The following CHST11 variants were observed in gnomAD, a reference collection of about 807,000 sequenced individuals.
CHST11 encodes the protein carbohydrate sulfotransferase 11.
CHST11 carries 9 observed loss-of-function variants against 30.4 expected under a neutral mutation model. The observed-to-expected ratio is 0.30, with a 90% CI of 0.18 to 0.52. The LOEUF is 0.52. CHST11 is among the 20% of genes least tolerant of loss of function. The pLI is 0.97. For missense variants in CHST11, 348 were observed against 460.6 expected, an observed-to-expected ratio of 0.76 and a Z score of 2.24; for synonymous variants, 152 against 187.8, an observed-to-expected ratio of 0.81 and a Z score of 1.56.
chr12:104,594,118 T>C (rs1288084424), intron 1 of CHST11, among the ~76,000 whole-genome samples: 5 of 152,218 alleles, frequency 3.3e-5, no homozygotes, highest in Admixed American at 3.3e-4. Context: ...GTACCTGCTA[T>C]GCACGGAGCA....
At chr12:104,626,140 G>A (rs1024952285) in intron 2 of CHST11, among the ~76,000 whole-genome samples, 1 of 152,134 alleles carries the variant, frequency 6.6e-6, no homozygotes, top group Non-Finnish European at 1.5e-5. Flanking sequence ...AAAGACACAG[G>A]CTCTTTATTA....
At chr12:104,460,924 G>C (rs2037402173) in intron 1 of CHST11, among the ~76,000 whole-genome samples, 1 of 152,164 alleles carries the variant, frequency 6.6e-6, no homozygotes, top group Admixed American at 6.5e-5. Context: ...CCAGGTTTTA[G>C]ACTCCATTTT....
intron 1 of CHST11, among the ~76,000 whole-genome samples, chr12:104,520,701 TGTGGCTG>T (rs1329117688): frequency 1.3e-5 from 2 of 152,174 alleles, no homozygotes; most frequent in Admixed American, 1.3e-4. Flanking sequence ...TGAAGTGTTC[TGTGGCTG>T]GAGGCTAAAT....
chr12:104,514,320 G>A (rs2037998644), intron 1 of CHST11: 2 of 950,546 alleles, frequency 2.1e-6, no homozygotes, highest in African/African-American at 1.6e-5. Flanking sequence ...CATTGGCTGT[G>A]CCAGAAACCT....
At chr12:104,468,514 T>C (rs1305846652) in intron 1 of CHST11, among the ~76,000 whole-genome samples, 1 of 152,128 alleles carries the variant, frequency 6.6e-6, no homozygotes, top group Non-Finnish European at 1.5e-5. Flanking sequence ...CTGGGAGGGC[T>C]CTCATTTGGG....
rs547407266 is a variant in CHST11, at chr12:104,583,947, A to G, written c.119-17959A>G. 8.5e-5 allele frequency among the ~76,000 whole-genome samples: 13 copies of G among 152,290 alleles called. No individual in the cohort carries two copies. In the South Asian group the frequency reaches 2.7e-3, roughly 32 times the overall value. ...GGGCTGGTCCCAAACTCCCGACCTC[A>G]AGTGATCCGCCCTCCTCGGCCTCCC... On this transcript the variant is annotated intron_variant, in intron 1 of 2. Coordinates refer to ENST00000303694, the MANE Select transcript of CHST11 (RefSeq NM_018413.6).
chr12:104,520,246 A>G (rs1280979192), intron 1 of CHST11, among the ~76,000 whole-genome samples: 5 of 152,182 alleles, frequency 3.3e-5, no homozygotes, highest in Non-Finnish European at 5.9e-5. Context: ...CAATGGGCCC[A>G]ATGGCACCTG....
At chr12:104,628,441 T>C (rs1039097198) in intron 2 of CHST11, among the ~76,000 whole-genome samples, 3 of 152,190 alleles carry the variant, frequency 2.0e-5, no homozygotes, top group African/African-American at 2.4e-5. Context: ...TATCAAGACT[T>C]GTTGAGCTTG....
Position 104,571,406 on chromosome 12 carries a change from G to T in CHST11, c.119-30500G>T, listed in dbSNP as rs540445218. Among the ~76,000 whole-genome samples the T allele has an allele frequency of 3.3e-5, 5 of 151,876 alleles. No homozygotes were observed. The East Asian group carries it at 9.8e-4, about 30-fold the overall frequency. ...TTGATCTCCTGACCTCAGGTGATCC[G>T]CCCGCTTCGGCCTCCCAAAGTGCTG... On this transcript the variant is annotated intron_variant, in intron 1 of 2. Transcript: ENST00000303694.
intron 2 of CHST11, among the ~76,000 whole-genome samples, chr12:104,636,327 G>A: frequency 6.6e-6 from 1 of 152,200 alleles, no homozygotes; most frequent in East Asian, 1.9e-4. Context: ...GTGCTTTACA[G>A]GGAAGGACAG....
chr12:104,648,774 A>G (rs1279242819), intron 2 of CHST11, among the ~76,000 whole-genome samples: 3 of 152,108 alleles, frequency 2.0e-5, no homozygotes, highest in Non-Finnish European at 4.4e-5. Flanking sequence ...AGATCACACC[A>G]CTGCATTCCA....
chr12:104,513,380 C>G (rs12425961), intron 1 of CHST11, among the ~76,000 whole-genome samples: 7,766 of 152,168 alleles, frequency 0.051, 254 homozygotes, highest in Admixed American at 0.1. Flanking sequence ...AAATCTCCCC[C>G]ACCCCCAGTG....
chr12:104,623,135 C>T (rs1441645607), intron 2 of CHST11, among the ~76,000 whole-genome samples: 1 of 152,230 alleles, frequency 6.6e-6, no homozygotes, highest in Non-Finnish European at 1.5e-5. Flanking sequence ...TGGGCGTGGC[C>T]AGATTTCATC....
intron 2 of CHST11, among the ~76,000 whole-genome samples, chr12:104,612,201 A>G (rs954132742): frequency 6.6e-6 from 1 of 152,218 alleles, no homozygotes; most frequent in East Asian, 1.9e-4. Flanking sequence ...CATACCACAG[A>G]CTGGGTGGCT....
At chr12:104,545,852 A>T (rs1372842244) in intron 1 of CHST11, among the ~76,000 whole-genome samples, 5 of 151,842 alleles carry the variant, frequency 3.3e-5, no homozygotes, top group Non-Finnish European at 5.9e-5. Flanking sequence ...TAAAAGCAGC[A>T]TCTCACTTTG....
intron 2 of CHST11, among the ~76,000 whole-genome samples, chr12:104,748,671 C>G (rs1160532626): frequency 1.3e-5 from 2 of 152,124 alleles, no homozygotes; most frequent in African/African-American, 2.4e-5. Flanking sequence ...CAGGGAACAC[C>G]AGCCCCACCC....
At chr12:104,463,140 C>T (rs1462595222) in intron 1 of CHST11, among the ~76,000 whole-genome samples, 3 of 152,124 alleles carry the variant, frequency 2.0e-5, no homozygotes, top group Non-Finnish European at 4.4e-5. Context: ...AAGGCACCAC[C>T]CTTTCCCTTC....
chr12:104,675,582 TTA>T (rs2039733891), intron 2 of CHST11, among the ~76,000 whole-genome samples: 3 of 152,232 alleles, frequency 2.0e-5, no homozygotes, highest in Non-Finnish European at 4.4e-5. Context: ...AGCCGAGTGC[TTA>T]CTCAGTGCCA....
intron 2 of CHST11, among the ~76,000 whole-genome samples, chr12:104,665,756 G>A (rs574672556): frequency 3.1e-5 from 3 of 96,656 alleles, no homozygotes; most frequent in Non-Finnish European, 5.5e-5. Flanking sequence ...GATTTGTGGG[G>A]TGGGGGGTGG....
Sources: gnomAD v4.1 joint callset for allele counts (sites outside exome capture counted in the v4.1 genomes callset) on GRCh38, gnomAD v4.1.1 for gene constraint, MANE v1.5 for transcripts, NCBI Gene and HGNC (gene_info 2026-07-23, HGNC 2026-07-21) for gene names.